Variants in PACRG observed in about 807,000 individuals in gnomAD.
PACRG encodes parkin coregulated.
In PACRG, 29 loss-of-function variants were observed where a neutral mutation model predicts 29.7. The ratio of observed to expected loss-of-function variants is 0.98; its 90% CI spans 0.73 to 1.33. The LOEUF is 1.33. Ranked by LOEUF, PACRG falls within the 40% of genes most tolerant of loss-of-function variation. The pLI is 0.00. For synonymous variants in PACRG, 116 were observed against 118.7 expected (o/e 0.98, Z 0.15); for missense variants, 279 against 316.2 (o/e 0.88, Z 0.89).
At chr6:163,036,044 C>G (rs1470851584) in intron 2 of PACRG, among the ~76,000 whole-genome samples, 1 of 152,086 alleles carries the variant, frequency 6.6e-6, no homozygotes, top group Non-Finnish European at 1.5e-5. Context: ...TGCCTTATTT[C>G]TAATCAAAAT....
chr6:162,903,024 T>G (rs1419591976), intron 2 of PACRG, among the ~76,000 whole-genome samples: 2 of 152,232 alleles, frequency 1.3e-5, no homozygotes, highest in East Asian at 3.8e-4. Flanking sequence ...GCACTTAGAT[T>G]GAACTATGTC....
At chr6:162,727,582 G>T, upstream of PACRG, 2 of 1,447,722 alleles carry the variant, frequency 1.4e-6, no homozygotes, top group African/African-American at 1.4e-5. Context: ...CGGGGGTCCT[G>T]GTCGGCCGAG....
intron 2 of PACRG, among the ~76,000 whole-genome samples, chr6:162,931,469 G>C (rs1797848467): frequency 6.6e-6 from 1 of 151,774 alleles, no homozygotes; most frequent in African/African-American, 2.4e-5. Context: ...TTACATTTAG[G>C]TCCATGATAG....
At chr6:163,134,038 T>C (rs1585253041) in intron 4 of PACRG, among the ~76,000 whole-genome samples, 2 of 152,240 alleles carry the variant, frequency 1.3e-5, no homozygotes, top group South Asian at 4.1e-4. Flanking sequence ...CACTTGTTTT[T>C]ATTTCACTTC....
chr6:162,768,662 AG>A (rs1287060760), intron 1 of PACRG, among the ~76,000 whole-genome samples: 1 of 152,140 alleles, frequency 6.6e-6, no homozygotes, highest in Non-Finnish European at 1.5e-5. Context: ...TTCTCTCTTC[AG>A]CCAAGAAAGT....
chr6:163,128,041 C>G (rs1816587189), intron 4 of PACRG, among the ~76,000 whole-genome samples: 1 of 152,074 alleles, frequency 6.6e-6, no homozygotes, highest in South Asian at 2.1e-4. Context: ...TTTCCAATTT[C>G]CAGAAGATTT....
At chr6:162,995,435 GTC>G (rs1272133769) in intron 2 of PACRG, among the ~76,000 whole-genome samples, 1 of 152,172 alleles carries the variant, frequency 6.6e-6, no homozygotes, top group Non-Finnish European at 1.5e-5. Flanking sequence ...GTGGGATATA[GTC>G]TCGTGGTGCG....
intron 4 of PACRG, among the ~76,000 whole-genome samples, chr6:163,145,199 A>G (rs1777746556): frequency 1.3e-5 from 2 of 152,116 alleles, no homozygotes; most frequent in South Asian, 4.1e-4. Flanking sequence ...TCTTAGACAA[A>G]TCATTTGATC....
At chr6:162,867,505 G>C (rs550094967) in intron 2 of PACRG, among the ~76,000 whole-genome samples, 3 of 152,006 alleles carry the variant, frequency 2.0e-5, no homozygotes, top group African/African-American at 4.8e-5. Flanking sequence ...CCTTGAAGCC[G>C]CTTCAGGTTC....
intron 4 of PACRG, among the ~76,000 whole-genome samples, chr6:163,149,376 CCCGGTAGATTTAAAAAGTGAAAA>C (rs1777977726): frequency 6.6e-6 from 1 of 152,320 alleles, no homozygotes; most frequent in East Asian, 1.9e-4. Flanking sequence ...CAAGTCTCCA[CCCGGTAGATTTAAAAAGTGAAAA>C]GCCAAGGCCA....
At chr6:163,304,825 G>C (rs892022713) in intron 4 of PACRG, among the ~76,000 whole-genome samples, 4 of 152,180 alleles carry the variant, frequency 2.6e-5, no homozygotes, top group African/African-American at 9.7e-5. Context: ...AGGGAGATGA[G>C]ATCACACAGG....
intron 2 of PACRG, among the ~76,000 whole-genome samples, chr6:163,017,740 G>A (rs1256575851): frequency 3.3e-5 from 5 of 151,994 alleles, no homozygotes; most frequent in African/African-American, 1.2e-4. Flanking sequence ...CTGAAGCAGA[G>A]GACAATATGT....
intron 4 of PACRG, among the ~76,000 whole-genome samples, chr6:163,210,172 C>T (rs1390097063): frequency 1.3e-5 from 2 of 152,314 alleles, no homozygotes; most frequent in Admixed American, 6.5e-5. Context: ...CAGACAATTA[C>T]ATCCAGACGA....
intron 1 of PACRG, among the ~76,000 whole-genome samples, chr6:162,813,903 C>G (rs1787097759): frequency 1.3e-5 from 2 of 152,058 alleles, no homozygotes; most frequent in South Asian, 4.1e-4. Flanking sequence ...TTTTAAGAGA[C>G]ATTTTCTAGG....
chr6:163,023,710 G>A (rs565488618), intron 2 of PACRG, among the ~76,000 whole-genome samples: 11 of 152,184 alleles, frequency 7.2e-5, no homozygotes, highest in South Asian at 6.2e-4. Flanking sequence ...ATAAGTGTTC[G>A]CTTTTCTCTG....
At chr6:163,175,943 G>T (rs1404077951) in intron 4 of PACRG, among the ~76,000 whole-genome samples, 1 of 152,170 alleles carries the variant, frequency 6.6e-6, no homozygotes. Flanking sequence ...CTAAAGCACA[G>T]TTTGTGTTTC....
chr6:163,085,017 G>A (rs1002871184), intron 3 of PACRG, among the ~76,000 whole-genome samples: 1 of 151,882 alleles, frequency 6.6e-6, no homozygotes, highest in South Asian at 2.1e-4. Context: ...ACTGGGATAC[G>A]CCAGCATCCA....
intron 2 of PACRG, among the ~76,000 whole-genome samples, chr6:162,880,874 T>C (rs934086523): frequency 6.6e-6 from 1 of 152,204 alleles, no homozygotes; most frequent in Admixed American, 6.5e-5. Flanking sequence ...AGATCCACCT[T>C]GTGTAGCAAA....
At chr6:162,987,917 G>A (rs1341302030) in intron 2 of PACRG, among the ~76,000 whole-genome samples, 1 of 152,212 alleles carries the variant, frequency 6.6e-6, no homozygotes, top group African/African-American at 2.4e-5. Context: ...AGTGGAATTA[G>A]CTGTTGTTTT....
Sources: allele counts gnomAD v4.1 joint callset (sites outside exome capture counted in the v4.1 genomes callset), GRCh38; gene constraint gnomAD v4.1.1; transcripts MANE v1.5; gene names NCBI Gene and HGNC (gene_info 2026-07-23, HGNC 2026-07-21).